The following SETX variants were observed in gnomAD, a reference collection of about 807,000 sequenced individuals.
SETX encodes helicase senataxin.
Under a neutral mutation model 227.2 loss-of-function variants are expected in SETX, and 90 were observed. The observed-to-expected ratio is 0.40, with a 90% CI of 0.33 to 0.47. SETX has a LOEUF of 0.47. Among genes scored for constraint, SETX ranks in the 20% least tolerant of loss-of-function variants. SETX has a pLI of 0.91. For synonymous variants in SETX, 1,210 were observed against 1,113.2 expected (o/e 1.09, Z -1.73); for missense variants, 3,052 against 3,181.5 (o/e 0.96, Z 0.98).
chr9:132,327,719 A>G lies in SETX; in HGVS notation c.3879T>C (p.Pro1293=), dbSNP rs757407944. 5 of 1,614,206 alleles carry G rather than the reference A, an allele frequency of 3.1e-6. No homozygotes were observed. In the East Asian group the frequency reaches 6.7e-5, roughly 22 times the overall value. Residue 1293 remains proline (P), a synonymous_variant, in exon 10 of 26, where the codon CCT becomes CCC. Transcript: ENST00000224140. The part of the protein sequence containing the change: ...TAEKLGLKKG[P]RKAYELSQRS... The stretch of plus-strand genomic sequence containing the variant: ...GCTGGGACAACTCATATGCCTTACG[A>G]GGACCCTTTTTCAGGCCAAGTTTCT...
At chr9:132,342,933 CTTATAT>C (rs1848071046) in intron 4 of SETX, 134 bp from the exon 5 acceptor site, 1 of 698,010 alleles carries the variant, frequency 1.4e-6, no homozygotes, top group Non-Finnish European at 2.5e-6. Flanking sequence ...CATAAAAATG[CTTATAT>C]TGTAAATGCA....
intron 12 of SETX, among the ~76,000 whole-genome samples, chr9:132,298,779 G>GGAAAAATA (rs1369097762): frequency 6.6e-6 from 1 of 152,164 alleles, no homozygotes; most frequent in African/African-American, 2.4e-5. Context: ...ATGGATAGAA[G>GGAAAAATA]GAAAAATAGG....
intron 20 of SETX, 33 bp downstream of exon 20, chr9:132,281,434 C>T (rs776342939): frequency 4.6e-6 from 7 of 1,519,204 alleles, no homozygotes; most frequent in Non-Finnish European, 6.4e-6. Context: ...AAGCCCCTTC[C>T]ATTTTAAAGC....
chr9:132,271,897 T>G (rs1234612461), intron 23 of SETX, 89 bp from the exon 24 acceptor site: 17 of 1,193,880 alleles, frequency 1.4e-5, no homozygotes, highest in Non-Finnish European at 1.8e-5. Context: ...GGTTTTTTTT[T>G]TTTGAGACGG....
chr9:132,336,573 GAACACA>G, intron 5 of SETX, 58 bp from the exon 6 acceptor site: 1 of 1,234,698 alleles, frequency 8.1e-7, no homozygotes, highest in African/African-American at 1.5e-5. Context: ...CAAACAGCAA[GAACACA>G]GAAAAGAAAA....
chr9:132,277,888 C>T (rs749863035), intron 21 of SETX, among the ~76,000 whole-genome samples, 182 bp downstream of exon 21: 1 of 151,666 alleles, frequency 6.6e-6, no homozygotes, highest in Non-Finnish European at 1.5e-5. Context: ...TGACTTTTTC[C>T]CCTTTTCTTT....
At chr9:132,338,583 T>C (rs918016389) in intron 5 of SETX, among the ~76,000 whole-genome samples, 20 of 152,314 alleles carry the variant, frequency 1.3e-4, no homozygotes, top group East Asian at 5.8e-4. Flanking sequence ...TCTCAGGCTA[T>C]CACACAAAAA....
rs1846122738 is a variant in SETX, at chr9:132,318,393, G to A, written c.5275-6537C>T. On this transcript the variant is annotated intron_variant, in intron 10 of 25. Coordinates refer to ENST00000224140, the MANE Select transcript of SETX (RefSeq NM_015046.7). ...AGTGACTACACTCCAGACAGGAAATGCAGATGTTCCCCTCTGAATTCATAC... is the reference window on the plus strand; with the variant it reads ...AGTGACTACACTCCAGACAGGAAATACAGATGTTCCCCTCTGAATTCATAC... Among the ~76,000 whole-genome samples the A allele has an allele frequency of 2.0e-5, 3 of 152,184 alleles. No homozygotes were observed. In the South Asian group the frequency reaches 6.2e-4, roughly 31 times the overall value.
At chr9:132,325,884 G>T (rs912112691) in intron 10 of SETX, among the ~76,000 whole-genome samples, 1 of 141,086 alleles carries the variant, frequency 7.1e-6, no homozygotes, top group Non-Finnish European at 1.5e-5. Flanking sequence ...AGTGAGCAAA[G>T]ATCGCACCAT....
At chr9:132,305,541 G>GAGAT (rs1845285807) in intron 11 of SETX, among the ~76,000 whole-genome samples, 3 of 152,058 alleles carry the variant, frequency 2.0e-5, no homozygotes, top group Non-Finnish European at 4.4e-5. Context: ...CACCAGCAAT[G>GAGAT]AGATTTATCA....
intron 3 of SETX, among the ~76,000 whole-genome samples, chr9:132,347,237 A>C (rs1333020541): frequency 6.6e-6 from 1 of 151,868 alleles, no homozygotes; most frequent in African/African-American, 2.4e-5. Context: ...GGGCAACAAC[A>C]GGGAAACTCC....
chr9:132,267,712 G>T (rs1244757968), intron 25 of SETX, among the ~76,000 whole-genome samples: 1 of 152,238 alleles, frequency 6.6e-6, no homozygotes, highest in Non-Finnish European at 1.5e-5. Flanking sequence ...GGTCTGCACA[G>T]TTGTGCAAGT....
chr9:132,330,721 A>C (rs977921037), intron 9 of SETX, among the ~76,000 whole-genome samples: 5 of 152,258 alleles, frequency 3.3e-5, no homozygotes, highest in African/African-American at 1.2e-4. Context: ...TTGAGTTTTC[A>C]TAAAAAGACA....
chr9:132,351,581 C>T (rs1051344682), intron 2 of SETX, among the ~76,000 whole-genome samples: 1 of 152,174 alleles, frequency 6.6e-6, no homozygotes, highest in Non-Finnish European at 1.5e-5. Flanking sequence ...AATACTGCTG[C>T]AGAGCACACC....
In SETX at chr9:132,295,872, C is replaced by T. The variant is rs863224919; in HGVS notation, c.6106G>A (p.Gly2036Arg). The T allele has an allele frequency of 6.8e-6, 11 of 1,612,462 alleles. No homozygotes were observed. Among genetic ancestry groups the T allele is most frequent in the Non-Finnish European group, 9.3e-6 (11 of 1,179,034 alleles). Residue 2036 changes from glycine to arginine, a missense_variant and splice_region_variant, in exon 15 of 26, where the codon GGA (glycine) becomes AGA (arginine). By Grantham distance (125) the Gly-to-Arg change is moderately radical (BLOSUM62 -2). Transcript: ENST00000224140. ...TTTAAAATCCACAAAAGTATCATACCTAAAGGATTCTTCTTGTCTTTACAT... is the reference window on the plus strand; with the variant it reads ...TTTAAAATCCACAAAAGTATCATACTTAAAGGATTCTTCTTGTCTTTACAT... ...EKCKDKKNPLGNCGDINLVRL... is the reference protein window; with the variant it reads ...EKCKDKKNPLRNCGDINLVRL...
Position 132,263,140 on chromosome 9 carries a change from A to C in SETX, c.*1099T>G, listed in dbSNP as rs1842475790. 1 of 152,220 alleles carries C rather than the reference A, an allele frequency of 6.6e-6. No individual in the cohort carries two copies. Among genetic ancestry groups the C allele is most frequent in the Non-Finnish European group, 1.5e-5 (1 of 68,044 alleles). The allele number at this position is 152,220 out of a possible 1,614,324, so 9.4% of individuals were successfully genotyped here. Reference sequence around the variant, plus strand: ...GATTTCTGAAGATCACAGGAAGTCTACCACTCTCTTCCCAGTTCTGAACTC... The same window carrying C: ...GATTTCTGAAGATCACAGGAAGTCTCCCACTCTCTTCCCAGTTCTGAACTC... On this transcript the variant is annotated 3_prime_UTR_variant, in exon 26 of 26. Transcript: ENST00000224140.
In SETX at chr9:132,261,781, T is replaced by C. The variant is rs898376172; in HGVS notation, c.*2458A>G. ...TGCACAATAAATCCAAGGCAAATTATATACAAAGAAACAAAACAAGCTTTT... is the reference window on the plus strand; with the variant it reads ...TGCACAATAAATCCAAGGCAAATTACATACAAAGAAACAAAACAAGCTTTT... On this transcript the variant is annotated 3_prime_UTR_variant, in exon 26 of 26. Transcript: ENST00000224140. The C allele has an allele frequency of 3.9e-5, 6 of 154,838 alleles. No homozygotes were observed. The highest frequency in any genetic ancestry group is 1.2e-4 in the African/African-American group (5 of 41,542). The allele number at this position is 154,838 out of a possible 1,614,324, so 9.6% of individuals were successfully genotyped here.
intron 11 of SETX, among the ~76,000 whole-genome samples, chr9:132,311,116 G>A (rs1021737353): frequency 6.6e-6 from 1 of 152,036 alleles, no homozygotes; most frequent in East Asian, 1.9e-4. Flanking sequence ...ACAGGCACCC[G>A]CCACCATGCC....
chr9:132,332,755 T>C (rs1192139074), intron 7 of SETX, among the ~76,000 whole-genome samples: 1 of 151,800 alleles, frequency 6.6e-6, no homozygotes, highest in Non-Finnish European at 1.5e-5. Context: ...ACTTTGTCTC[T>C]AGCAAAAATT....
Sources: allele counts gnomAD v4.1 joint callset (sites outside exome capture counted in the v4.1 genomes callset), GRCh38; gene constraint gnomAD v4.1.1; transcripts MANE v1.5; gene names NCBI Gene and HGNC (gene_info 2026-07-23, HGNC 2026-07-21).